Variants in PSG6 observed in about 807,000 individuals in gnomAD.
PSG6 encodes the protein pregnancy specific beta-1-glycoprotein 6.
A neutral mutation model predicts 43.3 loss-of-function variants in PSG6; 51 were observed. The ratio of observed to expected loss-of-function variants is 1.18; its 90% CI spans 0.94 to 1.49. The LOEUF is 1.49. Among genes scored for constraint, PSG6 ranks in the 40% most tolerant of loss-of-function variants. The probability of loss-of-function intolerance (pLI) is 0.00; values close to 1 mark genes in which losing one functional copy is unlikely to be tolerated. For synonymous variants in PSG6, 292 were observed against 197.6 expected (o/e 1.48, Z -4.01); for missense variants, 770 against 522.2 (o/e 1.47, Z -4.62).
At chr19:42,915,815 T>C (rs1972314244) in intron 2 of PSG6, 22 of 506,196 alleles carry the variant, frequency 4.3e-5, no homozygotes, top group Non-Finnish European at 2.0e-5. Context: ...TTTTCCAGGG[T>C]CTTTCTCAGG....
intron 5 of PSG6, chr19:42,903,864 T>G: frequency 8.9e-7 from 1 of 1,128,702 alleles, no homozygotes; most frequent in South Asian, 3.5e-5. Flanking sequence ...CTGTATTCCA[T>G]CCTAGGGTGG....
At position 42,902,316 on chromosome 19, in the gene PSG6, T is replaced by C; in HGVS notation, c.*96A>G. 1 of 1,364,642 alleles carries C rather than the reference T, an allele frequency of 7.3e-7. No individual in the cohort carries two copies. The highest frequency in any genetic ancestry group is 1.0e-6 in the Non-Finnish European group (1 of 986,790). The allele number at this position is 1,364,642 out of a possible 1,614,324, so 84.5% of individuals were successfully genotyped here. A position where few individuals can be genotyped will look rare whatever the true frequency, so the allele number is the denominator to read the frequency against. On this transcript the variant is annotated 3_prime_UTR_variant, in exon 6 of 6. Transcript: ENST00000187910. ...TATGAAAACATTATCCTTTTGATTA[T>C]TTAGTCCAATAACATTGAGTTTTTT... is the stretch of plus-strand genomic sequence containing the variant.
In PSG6 at chr19:42,912,237, T is replaced by C. The variant is rs1192112938; in HGVS notation, c.428-1379A>G. ...TGGATTTCCGATGCTCAATTTGTAATACTGTAATTTTCCCATAAAAAGTTG... is the reference window on the plus strand; with the variant it reads ...TGGATTTCCGATGCTCAATTTGTAACACTGTAATTTTCCCATAAAAAGTTG... On this transcript the variant is annotated intron_variant, in intron 2 of 5. Coordinates refer to ENST00000187910, the MANE Select transcript of PSG6 (RefSeq NM_001031850.4). Among the ~76,000 whole-genome samples, 9 of 151,768 alleles carry C rather than the reference T, an allele frequency of 5.9e-5. 1 individual carries two copies. In the East Asian group the frequency reaches 1.4e-3, roughly 23 times the overall value.
Position 42,917,824 on chromosome 19 carries a change from G to C in PSG6, c.-32C>G, listed in dbSNP as rs753126479. The C allele has an allele frequency of 3.7e-6, 6 of 1,602,064 alleles. No homozygotes were observed. The highest frequency in any genetic ancestry group is 5.1e-6 in the Non-Finnish European group (6 of 1,173,138). ...TGCTGTCTGTGTGTTCTCCCCTGTG[G>C]AGATGAGCCTAGGATCCAGAGACTT... is the stretch of plus-strand genomic sequence containing the variant. On this transcript the variant is annotated 5_prime_UTR_variant, in exon 1 of 6. Transcript: ENST00000187910.
Position 42,910,303 on chromosome 19 carries a change from G to A in PSG6, c.706+277C>T, listed in dbSNP as rs375745787. 4.7e-4 allele frequency: 378 copies of A among 807,686 alleles called. 6 individuals are homozygous for A. Among genetic ancestry groups the A allele is most frequent in the South Asian group, 1.4e-3 (72 of 52,250 alleles). The allele number at this position is 807,686 out of a possible 1,614,324, so 50.0% of individuals were successfully genotyped here. ...ACACTGAAGTCCCAGCCAAATCCCCGCTGTGTTCACTGATCTGGAGCCTGA... is the reference window on the plus strand; with the variant it reads ...ACACTGAAGTCCCAGCCAAATCCCCACTGTGTTCACTGATCTGGAGCCTGA... On this transcript the variant is annotated intron_variant, in intron 3 of 5. Coordinates refer to ENST00000187910, the MANE Select transcript of PSG6 (RefSeq NM_001031850.4).
chr19:42,917,022 G>A (rs1972349202), intron 1 of PSG6, among the ~76,000 whole-genome samples: 1 of 151,570 alleles, frequency 6.6e-6, no homozygotes, highest in Non-Finnish European at 1.5e-5. Flanking sequence ...GCCTGGAACA[G>A]GATGCAGACT....
intron 2 of PSG6, among the ~76,000 whole-genome samples, chr19:42,911,186 T>G (rs1406942588): frequency 6.6e-6 from 1 of 151,574 alleles, no homozygotes; most frequent in Non-Finnish European, 1.5e-5. Context: ...GGCCCACCTT[T>G]TGGTCCTTAC....
At chr19:42,907,254 T>C in intron 4 of PSG6, 78 bp from the exon 5 acceptor site, 4 of 1,554,472 alleles carry the variant, frequency 2.6e-6, no homozygotes, top group Non-Finnish European at 3.5e-6. Flanking sequence ...AGGGACACAG[T>C]GACCCTCTGA....
chr19:42,907,798 C>A lies in PSG6; in HGVS notation c.763G>T (p.Asp255Tyr), dbSNP rs371665225. The change falls in exon 4 of 6, where the codon GAT (aspartate) becomes TAT (tyrosine). Residue 255 changes from aspartate to tyrosine, a missense_variant. Transcript: ENST00000187910. ...INNLNPREKK[D>Y]VLAFTCEPKS... ...GGTTCACAGGTGAAGGCTAACACAT[C>A]CTTCTTCTCCCTGGGGTTTAAGTTG... The A allele has an allele frequency of 3.1e-6, 5 of 1,611,344 alleles. No homozygotes were observed. The highest frequency in any genetic ancestry group is 3.4e-6 in the Non-Finnish European group (4 of 1,179,088).
intron 3 of PSG6, chr19:42,910,255 G>T: frequency 1.9e-6 from 1 of 536,960 alleles, no homozygotes. Flanking sequence ...CACAGTCACA[G>T]TGACCCTGTG....
chr19:42,907,896 T>G, intron 3 of PSG6, 42 bp from the exon 4 acceptor site: 2 of 1,602,298 alleles, frequency 1.2e-6, no homozygotes, highest in Non-Finnish European at 1.7e-6. Context: ...GCACCTTTGA[T>G]TCCTCCACAG....
chr19:42,917,395 G>C (rs562246341), intron 1 of PSG6, among the ~76,000 whole-genome samples: 1 of 125,112 alleles, frequency 8.0e-6, no homozygotes, highest in Admixed American at 9.8e-5. Context: ...ATGGAGTCTC[G>C]TACTGTCACC....
chr19:42,909,403 G>T (rs1972177136), intron 3 of PSG6, among the ~76,000 whole-genome samples: 1 of 151,506 alleles, frequency 6.6e-6, no homozygotes, highest in Non-Finnish European at 1.5e-5. Flanking sequence ...TCATTAAGAA[G>T]AGCCTGTCAG....
intron 1 of PSG6, 116 bp from the exon 2 acceptor site, chr19:42,916,603 CA>C: frequency 7.2e-7 from 1 of 1,396,426 alleles, no homozygotes; most frequent in Non-Finnish European, 9.8e-7. Flanking sequence ...TATGCACACA[CA>C]CACATACAAA....
chr19:42,907,743 C>T lies in PSG6; in HGVS notation c.818G>A (p.Trp273Ter). ...GACCGGGAGGCTCTGACCATTTAGC[C>T]ACCAAATGTAGGTGTAGTTCCGACT... ...PKSRNYTYIW[W>*]LNGQSLPVSP... Residue 273 changes from tryptophan (W) to a stop codon, truncating the protein, a stop_gained, in exon 4 of 6, where the codon TGG becomes TAG. Coordinates refer to ENST00000187910, the MANE Select transcript of PSG6 (RefSeq NM_001031850.4). LOFTEE classifies it high-confidence loss of function. The T allele has an allele frequency of 6.2e-7, 1 of 1,610,866 alleles. No homozygotes were observed. The highest frequency in any genetic ancestry group is 8.5e-7 in the Non-Finnish European group (1 of 1,179,104).
chr19:42,917,583 T>G (rs1486773288), intron 1 of PSG6, 146 bp downstream of exon 1: 2 of 1,297,976 alleles, frequency 1.5e-6, no homozygotes, highest in Non-Finnish European at 2.1e-6. Flanking sequence ...CAGACTGATC[T>G]TGAACTCCTG....
At chr19:42,904,042 A>G (rs1185482863) in intron 5 of PSG6, among the ~76,000 whole-genome samples, 4 of 151,846 alleles carry the variant, frequency 2.6e-5, no homozygotes, top group Non-Finnish European at 5.9e-5. Flanking sequence ...AGAAACACAC[A>G]AAAATATGAA....
At position 42,917,825 on chromosome 19, in the gene PSG6, A is replaced by G. The variant is rs184286907; in HGVS notation, c.-33T>C. ...GCTGTCTGTGTGTTCTCCCCTGTGG[A>G]GATGAGCCTAGGATCCAGAGACTTC... On this transcript the variant is annotated 5_prime_UTR_variant, in exon 1 of 6. Coordinates refer to ENST00000187910, the MANE Select transcript of PSG6 (RefSeq NM_001031850.4). 1,611 of 1,599,338 alleles carry G rather than the reference A, an allele frequency of 1.0e-3. 41 individuals carry two copies. Among genetic ancestry groups the G allele is most frequent in the Non-Finnish European group, 8.4e-4 (981 of 1,171,736 alleles).
chr19:42,914,349 G>C (rs1002496850), intron 2 of PSG6, among the ~76,000 whole-genome samples: 5 of 151,142 alleles, frequency 3.3e-5, no homozygotes, highest in African/African-American at 9.7e-5. Flanking sequence ...GGAGTGTCTG[G>C]GGAAGGCCTA....
Sources: allele counts gnomAD v4.1 joint callset (sites outside exome capture counted in the v4.1 genomes callset), GRCh38; gene constraint gnomAD v4.1.1; transcripts MANE v1.5; gene names NCBI Gene and HGNC (gene_info 2026-07-23, HGNC 2026-07-21).